The following IFT20 variants were observed in gnomAD, a reference collection of about 807,000 sequenced individuals.
IFT20 encodes the protein intraflagellar transport protein 20 homolog.
A neutral mutation model predicts 16.9 loss-of-function variants in IFT20; 4 were observed. The ratio of observed to expected loss-of-function variants is 0.24; its 90% confidence interval spans 0.12 to 0.54. The LOEUF is 0.54. Ranked by LOEUF, IFT20 falls within the 20% of genes least tolerant of loss-of-function variation. The pLI, the probability that IFT20 is intolerant of heterozygous loss-of-function variation, is 0.95. For synonymous variants in IFT20, 48 were observed against 49.9 expected, an observed-to-expected ratio of 0.96 and a Z score of 0.16; for missense variants, 154 against 149.7, an observed-to-expected ratio of 1.03 and a Z score of -0.15.
At chr17:28,330,179 T>C (rs1341759251) in intron 3 of IFT20, 3 of 620,718 alleles carry the variant, frequency 4.8e-6, no homozygotes, top group Admixed American at 2.8e-5. Context: ...GAGCTTGCAG[T>C]GAGCCGAGAT....
intron 1 of IFT20, chr17:28,332,322 G>A (rs1555576728): frequency 1.1e-6 from 1 of 944,742 alleles, no homozygotes; most frequent in Non-Finnish European, 1.6e-6. Flanking sequence ...AACACTGCTA[G>A]ATGCTGGGGG....
At chr17:28,330,878 C>T (rs1359721319) in intron 2 of IFT20, among the ~76,000 whole-genome samples, 1 of 152,198 alleles carries the variant, frequency 6.6e-6, no homozygotes. Context: ...CCAGCTGGAC[C>T]AGGGCATACT....
chr17:28,333,767 C>T (rs1906943640), intron 1 of IFT20, among the ~76,000 whole-genome samples: 1 of 152,040 alleles, frequency 6.6e-6, no homozygotes, highest in South Asian at 2.1e-4. Flanking sequence ...ACCGTCTCTA[C>T]AAAAGATTTC....
At chr17:28,329,506 A>G (rs1906588550) in intron 3 of IFT20, 1 of 486,418 alleles carries the variant, frequency 2.1e-6, no homozygotes, top group Non-Finnish European at 3.7e-6. Flanking sequence ...AGAGCCAGGG[A>G]CACAGGCACA....
chr17:28,332,111 C>A (rs781862285), intron 1 of IFT20, 124 bp from the exon 2 acceptor site: 31 of 1,586,716 alleles, frequency 2.0e-5, no homozygotes, highest in Non-Finnish European at 2.6e-5. Context: ...CCAAAGGATC[C>A]CCGTTCCCTC....
chr17:28,329,642 G>A (rs888717619), intron 3 of IFT20: 22 of 176,318 alleles, frequency 1.2e-4, no homozygotes, highest in Admixed American at 2.4e-4. Flanking sequence ...AAGATGAAAC[G>A]AGGCCAGGTG....
At chr17:28,329,082 G>T (rs1188981274) in intron 4 of IFT20, 91 bp downstream of exon 4, 1 of 848,092 alleles carries the variant, frequency 1.2e-6, no homozygotes, top group Non-Finnish European at 1.9e-6. Context: ...GGAAAACAAT[G>T]ATGAAGAATA....
At chr17:28,329,148 C>T in intron 4 of IFT20, 25 bp downstream of exon 4, 3 of 1,504,738 alleles carry the variant, frequency 2.0e-6, no homozygotes, top group Non-Finnish European at 2.8e-6. Flanking sequence ...GTGTAAAGAA[C>T]TTGCTTTACA....
At chr17:28,332,100 TC>T in intron 1 of IFT20, 113 bp from the exon 2 acceptor site, 1 of 1,600,452 alleles carries the variant, frequency 6.2e-7, no homozygotes, top group East Asian at 2.2e-5. Flanking sequence ...ACCCAGGTGT[TC>T]CAAAGGATCC....
chr17:28,333,106 C>CACACACACACACACACAA (rs3222917), intron 1 of IFT20, among the ~76,000 whole-genome samples: 10 of 150,838 alleles, frequency 6.6e-5, no homozygotes, highest in Non-Finnish European at 1.3e-4. Flanking sequence ...CACACACACA[C>CACACACACACACACACAA]AATTAAACAT....
chr17:28,330,058 TCA>T, intron 3 of IFT20: 1 of 455,010 alleles, frequency 2.2e-6, no homozygotes, highest in Non-Finnish European at 3.7e-6. Context: ...AAACTCCGTC[TCA>T]AAAAAAAAAA....
intron 3 of IFT20, 92 bp downstream of exon 3, chr17:28,330,351 C>T (rs782320062): frequency 1.1e-6 from 1 of 893,684 alleles, no homozygotes; most frequent in Admixed American, 1.7e-5. Flanking sequence ...CAGCCCTCTA[C>T]CCCTCTAAAT....
chr17:28,329,949 A>G (rs1037723772), intron 3 of IFT20: 2 of 382,554 alleles, frequency 5.2e-6, no homozygotes, highest in South Asian at 1.3e-4. Flanking sequence ...AATCCCAGCT[A>G]CTCGGGAGGC....
chr17:28,333,441 G>A (rs1567782551), intron 1 of IFT20, among the ~76,000 whole-genome samples: 1 of 152,178 alleles, frequency 6.6e-6, no homozygotes, highest in Non-Finnish European at 1.5e-5. Context: ...GTACCTCAAT[G>A]TTGGTATGTA....
chr17:28,329,145 G>T lies in IFT20; in HGVS notation c.317+28C>A, dbSNP rs376036471. ...AAGAGTGGAAATTCAGCTGTGTAAA[G>T]AACTTGCTTTACATCATGACTTCTT... On this transcript the variant is annotated intron_variant, in intron 4 of 4. Coordinates refer to ENST00000395418, the MANE Select transcript of IFT20 (RefSeq NM_001267776.2). The T allele has an allele frequency of 2.5e-4, 376 of 1,487,410 alleles. 2 individuals are homozygous for T. Among genetic ancestry groups the T allele is most frequent in the Non-Finnish European group, 1.1e-5 (12 of 1,065,524 alleles). The allele number at this position is 1,487,410 out of a possible 1,614,324, so 92.1% of individuals were successfully genotyped here. A position where few individuals can be genotyped will look rare whatever the true frequency, so the allele number is the denominator to read the frequency against.
chr17:28,331,127 C>G (rs1319860093), intron 2 of IFT20, among the ~76,000 whole-genome samples: 1 of 152,186 alleles, frequency 6.6e-6, no homozygotes, highest in East Asian at 1.9e-4. Context: ...CTTGTAACCA[C>G]AAAAAAGCAA....
rs573496100 is a variant in IFT20 at position 28,328,890 on chromosome 17, A to T, written c.318-157T>A. ...GGCAAAGCCCTACCCAGAGCCACCC[A>T]TGAGAAATCTCCAGCCCTAGGAAAG... On this transcript the variant is annotated intron_variant, in intron 4 of 4. Coordinates refer to ENST00000395418, the MANE Select transcript of IFT20 (RefSeq NM_001267776.2). 6.1e-6 allele frequency: 4 copies of T among 652,932 alleles called. No individual in the cohort carries two copies. The South Asian group carries it at 8.0e-5, about 13-fold the overall frequency. The allele number at this position is 652,932 out of a possible 1,614,324, so 40.4% of individuals were successfully genotyped here. A position where few individuals can be genotyped will look rare whatever the true frequency, so the allele number is the denominator to read the frequency against.
rs1555576404 is a variant in IFT20, at chr17:28,330,529, C to T, written c.128-1G>A. On this transcript the variant is annotated splice_acceptor_variant, in intron 2 of 4. Coordinates refer to ENST00000395418, the MANE Select transcript of IFT20 (RefSeq NM_001267776.2). LOFTEE classifies it high-confidence loss of function. The stretch of plus-strand genomic sequence containing the variant: ...ACTATTTTCTGAAACTGGCCAATTT[C>T]TTTTAGGAAAAGAACAAAAAATAAA... 6.2e-7 allele frequency: 1 copy of T among 1,601,956 alleles called. No individual in the cohort carries two copies. Among genetic ancestry groups the T allele is most frequent in the East Asian group, 2.2e-5 (1 of 44,834 alleles).
chr17:28,329,421 G>A, intron 3 of IFT20, 145 bp from the exon 4 acceptor site: 1 of 637,584 alleles, frequency 1.6e-6, no homozygotes, highest in Non-Finnish European at 2.7e-6. Flanking sequence ...GGTTAAGTCA[G>A]AAGGATTAAC....
Sources: gnomAD v4.1 joint callset for allele counts (sites outside exome capture counted in the v4.1 genomes callset) on GRCh38, gnomAD v4.1.1 for gene constraint, MANE v1.5 for transcripts, NCBI Gene and HGNC (gene_info 2026-07-23, HGNC 2026-07-21) for gene names.